Variants in LACTB observed in about 807,000 individuals in gnomAD.
The protein encoded by LACTB is serine beta-lactamase-like protein LACTB, mitochondrial.
In LACTB, 35 loss-of-function variants were observed where a neutral mutation model predicts 50.2. That is an observed-to-expected ratio of 0.70 (90% CI 0.53 to 0.92). The LOEUF is 0.92. LACTB is among the 40% of genes least tolerant of loss of function. The probability of loss-of-function intolerance (pLI) is 0.00; values close to 1 mark genes in which losing one functional copy is unlikely to be tolerated. For missense variants in LACTB, 664 were observed against 691.8 expected (o/e 0.96, Z 0.45); for synonymous variants, 252 against 268.2 (o/e 0.94, Z 0.59).
chr15:63,124,548 T>G (rs1292841255), intron 2 of LACTB, among the ~76,000 whole-genome samples: 1 of 152,046 alleles, frequency 6.6e-6, no homozygotes, highest in African/African-American at 2.4e-5. Context: ...GAGAGGGATT[T>G]CTATTCATTT....
chr15:63,124,755 C>T (rs1430826818), intron 2 of LACTB, among the ~76,000 whole-genome samples: 1 of 151,910 alleles, frequency 6.6e-6, no homozygotes, highest in Admixed American at 6.6e-5. Flanking sequence ...GAGTTCGAGA[C>T]CAGCCTGGAC....
intron 5 of LACTB, 83 bp from the exon 6 acceptor site, chr15:63,141,193 ATCTC>A: frequency 6.9e-7 from 1 of 1,457,874 alleles, no homozygotes; most frequent in East Asian, 2.4e-5. Context: ...TTGAAATACA[ATCTC>A]TCTCATGTAT....
Position 63,121,925 on chromosome 15 carries a change from G to A in LACTB, c.54G>A (p.Leu18=). The A allele has an allele frequency of 7.0e-7, 1 of 1,431,078 alleles. No homozygotes were observed. Among genetic ancestry groups the A allele is most frequent in the Non-Finnish European group, 9.1e-7 (1 of 1,098,686 alleles). 88.6% of individuals were successfully genotyped at this position (1,431,078 alleles called of 1,614,324 possible). A position where few individuals can be genotyped will look rare whatever the true frequency, so the allele number is the denominator to read the frequency against. Residue 18 remains leucine (L), a synonymous_variant, in exon 1 of 6, where the codon TTG becomes TTA. Transcript: ENST00000261893. ...CCCGGGCTGCCGCCCCCGGGGGCTTGGCCTCAAGCTGCGGACGACGCGGGG... is the reference window on the plus strand; with the variant it reads ...CCCGGGCTGCCGCCCCCGGGGGCTTAGCCTCAAGCTGCGGACGACGCGGGG... ...VTARAAAPGG[L]ASSCGRRGVH...
At chr15:63,129,734 C>T in intron 5 of LACTB, 84 bp downstream of exon 5, 1 of 1,347,286 alleles carries the variant, frequency 7.4e-7, no homozygotes. Context: ...TCTTTGTTTC[C>T]ATTCCAAAAT....
intron 5 of LACTB, among the ~76,000 whole-genome samples, chr15:63,132,494 C>A (rs1391869628): frequency 2.0e-5 from 3 of 152,104 alleles, no homozygotes; most frequent in Non-Finnish European, 4.4e-5. Context: ...ATTATGCAGA[C>A]CTCTGCTACA....
chr15:63,136,200 C>T (rs2652821), intron 5 of LACTB, among the ~76,000 whole-genome samples: 2,174 of 152,262 alleles, frequency 0.014, 46 homozygotes, highest in African/African-American at 0.049. Context: ...TGCCACCACA[C>T]CTGGCTGATT....
Position 63,122,121 on chromosome 15 carries a change from C to A in LACTB, c.250C>A (p.Gln84Lys). The A allele has an allele frequency of 6.7e-7, 1 of 1,488,090 alleles. No homozygotes were observed. The highest frequency in any genetic ancestry group is 8.9e-7 in the Non-Finnish European group (1 of 1,126,746). The allele number at this position is 1,488,090 out of a possible 1,614,324, so 92.2% of individuals were successfully genotyped here. The change falls in exon 1 of 6, where the codon CAG (glutamine) becomes AAG (lysine). Residue 84 changes from glutamine (Q) to lysine (K), a missense_variant. Physicochemically the swap from Gln to Lys is moderately conservative, Grantham distance 53 (BLOSUM62 1). Transcript: ENST00000261893. ...PEASPLAEPP[Q>K]EQSLAPWSPQ... is the part of the protein sequence containing the mutation. ...GGCGTCGCCTCTGGCCGAGCCGCCACAGGAGCAGTCCCTCGCCCCGTGGTC... is the reference window on the plus strand; with the variant it reads ...GGCGTCGCCTCTGGCCGAGCCGCCAAAGGAGCAGTCCCTCGCCCCGTGGTC...
chr15:63,134,812 A>ATTG (rs140770068), intron 5 of LACTB, among the ~76,000 whole-genome samples: 1 of 148,508 alleles, frequency 6.7e-6, no homozygotes, highest in Non-Finnish European at 1.5e-5. Context: ...TGTGTGTGTG[A>ATTG]TGTGTGTGTG....
At chr15:63,133,184 C>T (rs1193948158) in intron 5 of LACTB, among the ~76,000 whole-genome samples, 1 of 152,170 alleles carries the variant, frequency 6.6e-6, no homozygotes, top group Non-Finnish European at 1.5e-5. Flanking sequence ...TATATAATTT[C>T]ATATTTGATT....
At chr15:63,137,457 C>A (rs146136225) in intron 5 of LACTB, among the ~76,000 whole-genome samples, 260 of 152,226 alleles carry the variant, frequency 1.7e-3, no homozygotes, top group African/African-American at 5.8e-3. Flanking sequence ...GTGTTTGCTG[C>A]ATTTTTTAAT....
At chr15:63,139,974 G>A (rs780339317) in intron 5 of LACTB, among the ~76,000 whole-genome samples, 2 of 151,324 alleles carry the variant, frequency 1.3e-5, no homozygotes, top group Non-Finnish European at 2.9e-5. Flanking sequence ...AGGTATGGTG[G>A]TACACACCTG....
At chr15:63,131,954 C>CA (rs150663457) in intron 5 of LACTB, among the ~76,000 whole-genome samples, 68 of 136,134 alleles carry the variant, frequency 5.0e-4, no homozygotes, top group East Asian at 8.4e-4. Flanking sequence ...CCGCCCCCAA[C>CA]AAAAAAAAAA....
At chr15:63,137,924 A>C (rs2037191516) in intron 5 of LACTB, among the ~76,000 whole-genome samples, 1 of 152,242 alleles carries the variant, frequency 6.6e-6, no homozygotes, top group South Asian at 2.1e-4. Context: ...TAAATGTTAA[A>C]GTGGGATTGT....
Position 63,122,111 on chromosome 15 carries a change from C to G in LACTB, c.240C>G (p.Ala80=), listed in dbSNP as rs1025146190. The G allele has an allele frequency of 2.0e-6, 3 of 1,479,536 alleles. No homozygotes were observed. In the East Asian group the frequency reaches 8.6e-5, roughly 42 times the overall value. The allele number at this position is 1,479,536 out of a possible 1,614,324, so 91.7% of individuals were successfully genotyped here. The stretch of plus-strand genomic sequence containing the variant: ...CCGACCCTGAGGCGTCGCCTCTGGC[C>G]GAGCCGCCACAGGAGCAGTCCCTCG... The part of the protein sequence containing the change: ...AAPDPEASPL[A]EPPQEQSLAP... Residue 80 remains alanine (A), a synonymous_variant, in exon 1 of 6, where the codon GCC becomes GCG. Transcript: ENST00000261893.
Position 63,122,201 on chromosome 15 carries a change from C to A in LACTB, c.330C>A (p.Ser110Arg). The change falls in exon 1 of 6, where the codon AGC (serine) becomes AGA (arginine). Residue 110 changes from serine to arginine, a missense_variant. Ser to Arg is a moderately radical substitution (Grantham distance 110, BLOSUM62 -1). Coordinates refer to ENST00000261893, the MANE Select transcript of LACTB (RefSeq NM_032857.5). ...CSRCFARAIE[S>R]SRDLLHRIKD... ...GGTGCTTCGCCAGAGCCATCGAGAG[C>A]AGCCGCGACCTGCTGCACAGGATCA... 1 of 1,547,500 alleles carries A rather than the reference C, an allele frequency of 6.5e-7. No homozygotes were observed. Among genetic ancestry groups the A allele is most frequent in the Non-Finnish European group, 8.7e-7 (1 of 1,156,032 alleles).
chr15:63,121,921 G>T lies in LACTB; in HGVS notation c.50G>T (p.Gly17Val). The T allele has an allele frequency of 7.0e-7, 1 of 1,426,232 alleles. No homozygotes were observed. The highest frequency in any genetic ancestry group is 9.1e-7 in the Non-Finnish European group (1 of 1,094,144). 88.3% of individuals were successfully genotyped at this position (1,426,232 alleles called of 1,614,324 possible). ...AVTARAAAPGGLASSCGRRGV... is the reference protein window; with the variant it reads ...AVTARAAAPGVLASSCGRRGV... ...ACTGCCCGGGCTGCCGCCCCCGGGG[G>T]CTTGGCCTCAAGCTGCGGACGACGC... The change falls in exon 1 of 6, where the codon GGC becomes GTC. Residue 17 changes from glycine (G) to valine (V), a missense_variant. Transcript: ENST00000261893.
chr15:63,134,321 A>G (rs2037156899), intron 5 of LACTB, among the ~76,000 whole-genome samples: 1 of 152,196 alleles, frequency 6.6e-6, no homozygotes, highest in African/African-American at 2.4e-5. Context: ...TGCTGCATTA[A>G]AGGGGCACCA....
chr15:63,141,079 G>C (rs1283722381), intron 5 of LACTB: 1 of 983,420 alleles, frequency 1.0e-6, no homozygotes, highest in African/African-American at 1.7e-5. Flanking sequence ...TAATTCAAAA[G>C]GTAATTAGAC....
intron 5 of LACTB, among the ~76,000 whole-genome samples, chr15:63,137,260 A>C (rs2037186620): frequency 6.6e-6 from 1 of 152,186 alleles, no homozygotes. Context: ...ATCACAAAGG[A>C]GCTCAGTGAA....
Sources: allele counts gnomAD v4.1 joint callset (sites outside exome capture counted in the v4.1 genomes callset), GRCh38; gene constraint gnomAD v4.1.1; transcripts MANE v1.5; gene names NCBI Gene and HGNC (gene_info 2026-07-23, HGNC 2026-07-21).